The following KCNIP1 variants were observed in gnomAD, a reference collection of about 807,000 sequenced individuals.
KCNIP1 encodes potassium voltage-gated channel interacting protein 1, also known as A-type potassium channel modulatory protein KCNIP1.
KCNIP1 carries 18 observed loss-of-function variants against 33.0 expected under a neutral mutation model. The ratio of observed to expected loss-of-function variants is 0.55; its 90% CI spans 0.38 to 0.81. KCNIP1 has a LOEUF of 0.81. Ranked by LOEUF, KCNIP1 falls within the 30% of genes least tolerant of loss-of-function variation. The probability of loss-of-function intolerance (pLI) is 0.00; values close to 1 mark genes in which losing one functional copy is unlikely to be tolerated. For synonymous variants in KCNIP1, 93 were observed against 98.3 expected (o/e 0.95, Z 0.32); for missense variants, 238 against 271.6 (o/e 0.88, Z 0.87).
At chr5:170,451,723 TTGTGTGTGTG>T (rs67542248) in intron 1 of KCNIP1, among the ~76,000 whole-genome samples, 4,659 of 122,952 alleles carry the variant, frequency 0.038, 105 homozygotes, top group Non-Finnish European at 0.051. Flanking sequence ...TTCTCCTGCA[TTGTGTGTGTG>T]TGTGTGTGTG....
At chr5:170,628,019 G>A (rs1406636286) in intron 1 of KCNIP1, among the ~76,000 whole-genome samples, 1 of 152,206 alleles carries the variant, frequency 6.6e-6, no homozygotes, top group East Asian at 1.9e-4. Context: ...TGGGAGCCTG[G>A]ACCCCTCTTC....
intron 1 of KCNIP1, among the ~76,000 whole-genome samples, chr5:170,484,854 ATCT>A (rs1019051693): frequency 6.7e-6 from 1 of 150,222 alleles, no homozygotes; most frequent in Admixed American, 6.6e-5. Flanking sequence ...CCCTCTCCAC[ATCT>A]TCTTCCATTT....
rs143265717 is a variant in KCNIP1, at chr5:170,674,328, A to G, written c.62-44430A>G. Among the ~76,000 whole-genome samples, 6 of 152,310 alleles carry G rather than the reference A, an allele frequency of 3.9e-5. No individual in the cohort carries two copies. In the East Asian group the frequency reaches 1.2e-3, roughly 29 times the overall value. ...TCTAGACAAAGAAGGTAAAAATTGAAACATGTCAATGGATATCTAAATATC... is the reference window on the plus strand; with the variant it reads ...TCTAGACAAAGAAGGTAAAAATTGAGACATGTCAATGGATATCTAAATATC... On this transcript the variant is annotated intron_variant, in intron 1 of 7. Transcript: ENST00000328939.
intron 1 of KCNIP1, among the ~76,000 whole-genome samples, chr5:170,555,197 G>T (rs1036953772): frequency 1.3e-5 from 2 of 152,124 alleles, no homozygotes; most frequent in Non-Finnish European, 2.9e-5. Context: ...TTACTCAGGA[G>T]ATCGCAGGCG....
intron 1 of KCNIP1, among the ~76,000 whole-genome samples, chr5:170,379,212 C>T (rs2301147): frequency 0.095 from 14,382 of 152,110 alleles, 723 homozygotes; most frequent in Middle Eastern, 0.21. Context: ...CACACCTGGG[C>T]GCAGGTCCTA....
chr5:170,385,081 C>A (rs759670760), intron 1 of KCNIP1, among the ~76,000 whole-genome samples: 3 of 152,166 alleles, frequency 2.0e-5, no homozygotes, highest in South Asian at 4.1e-4. Context: ...GTTACCACCA[C>A]GTCCTAGATC....
In KCNIP1 at chr5:170,402,373, G is replaced by A. The variant is rs532986708; in HGVS notation, c.88+48409G>A. The stretch of plus-strand genomic sequence containing the variant: ...AATTAGCCACGATGGACTAACTGCC[G>A]CAACCACCCCAAGGTTTTAATGGTA... On this transcript the variant is annotated intron_variant, in intron 1 of 7. Transcript: ENST00000377360. 3.6e-4 allele frequency among the ~76,000 whole-genome samples: 55 copies of A among 152,176 alleles called. 1 individual carries two copies. In the Middle Eastern group the frequency reaches 0.014, roughly 38 times the overall value.
At chr5:170,628,485 C>CGTGT (rs58781683) in intron 1 of KCNIP1, among the ~76,000 whole-genome samples, 273 of 151,546 alleles carry the variant, frequency 1.8e-3, no homozygotes, top group African/African-American at 5.2e-3. Flanking sequence ...CTCCAAAGGG[C>CGTGT]GTGTGTGTGT....
At chr5:170,618,526 G>GGGAGGGAGGAAA (rs1759480357) in intron 1 of KCNIP1, among the ~76,000 whole-genome samples, 1 of 104,812 alleles carries the variant, frequency 9.5e-6, no homozygotes, top group Non-Finnish European at 2.0e-5. Context: ...AAGGGAGGGA[G>GGGAGGGAGGAAA]GGAGGGAGGA....
intron 1 of KCNIP1, among the ~76,000 whole-genome samples, chr5:170,390,374 T>C (rs1476834957): frequency 6.6e-6 from 1 of 150,818 alleles, no homozygotes; most frequent in East Asian, 1.9e-4. Context: ...GGCATAGTGG[T>C]GCATGCCTGT....
intron 1 of KCNIP1, among the ~76,000 whole-genome samples, chr5:170,429,614 C>T (rs1303078265): frequency 1.3e-5 from 2 of 152,072 alleles, no homozygotes; most frequent in Non-Finnish European, 2.9e-5. Flanking sequence ...TCCACTCCTC[C>T]CCCACACCCT....
At chr5:170,414,888 T>C (rs1261989587) in intron 1 of KCNIP1, among the ~76,000 whole-genome samples, 2 of 152,224 alleles carry the variant, frequency 1.3e-5, no homozygotes, top group Non-Finnish European at 2.9e-5. Context: ...CTTGTTTCTA[T>C]GTGTGATGCG....
At position 170,667,048 on chromosome 5, in the gene KCNIP1, T is replaced by C. The variant is rs180776810; in HGVS notation, c.62-51710T>C. Among the ~76,000 whole-genome samples the C allele has an allele frequency of 1.9e-4, 29 of 152,354 alleles. No individual in the cohort carries two copies. In the East Asian group the frequency reaches 4.8e-3, roughly 25 times the overall value. Reference sequence around the variant, plus strand: ...AAAACTGTCGGCTGGGCGTGGTGGCTCACGCCTATAATCCCAACACTTTGA... The same window carrying C: ...AAAACTGTCGGCTGGGCGTGGTGGCCCACGCCTATAATCCCAACACTTTGA... On this transcript the variant is annotated intron_variant, in intron 1 of 7. Coordinates refer to ENST00000328939, the MANE Select transcript of KCNIP1 (RefSeq NM_014592.4).
chr5:170,725,793 A>C (rs1763985559), intron 5 of KCNIP1, among the ~76,000 whole-genome samples: 2 of 152,162 alleles, frequency 1.3e-5, no homozygotes, highest in South Asian at 4.1e-4. Flanking sequence ...TACACCTACT[A>C]TGTGCCCACA....
At chr5:170,577,442 G>A (rs1312022044) in intron 1 of KCNIP1, among the ~76,000 whole-genome samples, 2 of 152,222 alleles carry the variant, frequency 1.3e-5, no homozygotes, top group Non-Finnish European at 2.9e-5. Context: ...TCAAAAGCTG[G>A]AGCGGATGAG....
chr5:170,374,024 C>T (rs1763920181), intron 1 of KCNIP1, among the ~76,000 whole-genome samples: 1 of 152,142 alleles, frequency 6.6e-6, no homozygotes, highest in African/African-American at 2.4e-5. Flanking sequence ...AATTCAAACT[C>T]CCCCAAACAC....
intron 1 of KCNIP1, among the ~76,000 whole-genome samples, chr5:170,674,165 A>AGGG (rs1561756601): frequency 1.4e-4 from 9 of 62,660 alleles, no homozygotes; most frequent in South Asian, 1.1e-3. Flanking sequence ...GGAAGGAAGG[A>AGGG]AGGAAGGAAG....
At chr5:170,412,017 C>A (rs6885193) in intron 1 of KCNIP1, among the ~76,000 whole-genome samples, 99,307 of 151,572 alleles carry the variant, frequency 0.66, 32,555 homozygotes, top group Middle Eastern at 0.73. Flanking sequence ...TTCCCCCATG[C>A]TTAGCAGAGG....
intron 1 of KCNIP1, among the ~76,000 whole-genome samples, chr5:170,392,682 G>A (rs1283293953): frequency 6.6e-6 from 1 of 152,154 alleles, no homozygotes; most frequent in Non-Finnish European, 1.5e-5. Context: ...AATTAGCTGG[G>A]CACGATGGCA....
Sources: allele counts gnomAD v4.1 joint callset (sites outside exome capture counted in the v4.1 genomes callset), GRCh38; gene constraint gnomAD v4.1.1; transcripts MANE v1.5; gene names NCBI Gene and HGNC (gene_info 2026-07-23, HGNC 2026-07-21).